The following ASIC2 variants were observed in gnomAD, a reference collection of about 807,000 sequenced individuals.
ASIC2 encodes acid-sensing ion channel 2.
ASIC2 carries 25 observed loss-of-function variants against 57.3 expected under a neutral mutation model. The observed-to-expected ratio is 0.44, with a 90% CI of 0.32 to 0.61. The LOEUF (loss-of-function observed/expected upper bound fraction) is 0.61, where lower values mean the gene tolerates loss of function less well. ASIC2 is among the 20% of genes least tolerant of loss of function. The pLI, the probability that ASIC2 is intolerant of heterozygous loss-of-function variation, is 0.06. For synonymous variants in ASIC2, 319 were observed against 307.5 expected (o/e 1.04, Z -0.39); for missense variants, 641 against 738.1 (o/e 0.87, Z 1.52).
At chr17:33,839,605 C>T (rs1442349672) in intron 1 of ASIC2, among the ~76,000 whole-genome samples, 1 of 152,134 alleles carries the variant, frequency 6.6e-6, no homozygotes, top group Non-Finnish European at 1.5e-5. Flanking sequence ...AGTCTGTTTC[C>T]CATTTTAGCA....
chr17:33,639,000 C>T (rs1906465692), intron 1 of ASIC2, among the ~76,000 whole-genome samples: 1 of 151,844 alleles, frequency 6.6e-6, no homozygotes, highest in Non-Finnish European at 1.5e-5. Context: ...TGAATTTTTC[C>T]CTTTTCTGCC....
chr17:33,281,547 T>C (rs1475178014), intron 1 of ASIC2, among the ~76,000 whole-genome samples: 2 of 152,100 alleles, frequency 1.3e-5, no homozygotes. Context: ...GATTTTTAAG[T>C]TTTGAAACAG....
At position 33,105,212 on chromosome 17, in the gene ASIC2, C is replaced by T. The variant is rs1046306819; in HGVS notation, c.859+6705G>A. Among the ~76,000 whole-genome samples, 4 of 152,280 alleles carry T rather than the reference C, an allele frequency of 2.6e-5. No individual in the cohort carries two copies. In the South Asian group the frequency reaches 8.3e-4, roughly 32 times the overall value. On this transcript the variant is annotated intron_variant, in intron 2 of 9. Transcript: ENST00000225823. ...CATATTGAACTGTAGCTCCCATAAT[C>T]CCCACGTGTCAAGGAAGAGACCCAG...
chr17:34,009,160 G>A (rs1291937948), intron 1 of ASIC2, among the ~76,000 whole-genome samples: 3 of 151,570 alleles, frequency 2.0e-5, no homozygotes, highest in African/African-American at 4.9e-5. Context: ...AGTCCTATTC[G>A]ACTTGGAGAG....
chr17:33,878,906 C>G (rs1233928663), intron 1 of ASIC2, among the ~76,000 whole-genome samples: 1 of 152,174 alleles, frequency 6.6e-6, no homozygotes, highest in Non-Finnish European at 1.5e-5. Flanking sequence ...AACAGCTGAT[C>G]TCTTGGCAGA....
intron 1 of ASIC2, among the ~76,000 whole-genome samples, chr17:33,905,618 C>G (rs1597924377): frequency 6.6e-6 from 1 of 152,052 alleles, no homozygotes; most frequent in East Asian, 1.9e-4. Flanking sequence ...GGGGTTTGAA[C>G]CTGTAGATAG....
At chr17:34,035,582 G>A (rs9747995) in intron 1 of ASIC2, among the ~76,000 whole-genome samples, 52,814 of 151,606 alleles carry the variant, frequency 0.35, 11,372 homozygotes, top group African/African-American at 0.61. Flanking sequence ...AACTACCATC[G>A]GAGTGAACAG....
intron 1 of ASIC2, among the ~76,000 whole-genome samples, chr17:33,578,796 GTCT>G: frequency 2.7e-5 from 1 of 37,574 alleles, no homozygotes; most frequent in Admixed American, 2.3e-4. Flanking sequence ...CCTAAGATTA[GTCT>G]AGTCACAGTT....
chr17:33,700,814 G>A (rs1348907040), intron 1 of ASIC2, among the ~76,000 whole-genome samples: 16 of 152,162 alleles, frequency 1.1e-4, no homozygotes, highest in Admixed American at 1.0e-3. Flanking sequence ...GGAGAGATGG[G>A]AGGGTCCATG....
Position 33,661,852 on chromosome 17 carries a change from C to T in ASIC2, c.555+494126G>A, listed in dbSNP as rs117731780. ...AGGGCTCTGGCAGAAAACTGACTGG[C>T]GGCAGAAATAAAACCACCATAGAAC... On this transcript the variant is annotated intron_variant, in intron 1 of 9. Transcript: ENST00000359872. Among the ~76,000 whole-genome samples the T allele has an allele frequency of 6.6e-3, 999 of 152,190 alleles. 5 individuals are homozygous for T. The highest frequency in any genetic ancestry group is 9.6e-3 in the Non-Finnish European group (651 of 68,012).
chr17:33,439,179 G>A (rs908518687), intron 1 of ASIC2, among the ~76,000 whole-genome samples: 3 of 152,160 alleles, frequency 2.0e-5, no homozygotes, highest in African/African-American at 7.2e-5. Context: ...GTGGCACTGT[G>A]TCAGCCTTGT....
At chr17:33,103,439 G>T (rs550516152) in intron 2 of ASIC2, among the ~76,000 whole-genome samples, 3 of 152,318 alleles carry the variant, frequency 2.0e-5, no homozygotes, top group African/African-American at 7.2e-5. Context: ...ATCTTGTGCT[G>T]TTAGCCAATG....
chr17:33,067,792 T>A (rs1388063560), intron 3 of ASIC2, among the ~76,000 whole-genome samples: 1 of 152,160 alleles, frequency 6.6e-6, no homozygotes, highest in Non-Finnish European at 1.5e-5. Context: ...TCCTCATGGC[T>A]AATGAGAGGA....
intron 1 of ASIC2, among the ~76,000 whole-genome samples, chr17:33,880,502 T>A (rs1194181701): frequency 1.3e-5 from 2 of 151,894 alleles, no homozygotes; most frequent in Non-Finnish European, 2.9e-5. Flanking sequence ...AACTAGAAAA[T>A]CTAGAAGAAA....
At chr17:33,499,105 C>T (rs1322375317) in intron 1 of ASIC2, among the ~76,000 whole-genome samples, 2 of 152,182 alleles carry the variant, frequency 1.3e-5, no homozygotes, top group Admixed American at 1.3e-4. Context: ...TCCATGTCCC[C>T]TTCTTCCAGC....
chr17:33,998,871 G>A (rs1906243916), intron 1 of ASIC2, among the ~76,000 whole-genome samples: 1 of 152,072 alleles, frequency 6.6e-6, no homozygotes, highest in Non-Finnish European at 1.5e-5. Flanking sequence ...CTGTATGTTT[G>A]TTAGGTCCAT....
intron 1 of ASIC2, among the ~76,000 whole-genome samples, chr17:33,522,516 A>G (rs1914772669): frequency 6.6e-6 from 1 of 152,148 alleles, no homozygotes; most frequent in Admixed American, 6.5e-5. Context: ...TGAGCAACTC[A>G]CTAAACTTCT....
At chr17:33,231,459 C>G (rs1317449989) in intron 1 of ASIC2, among the ~76,000 whole-genome samples, 1 of 152,160 alleles carries the variant, frequency 6.6e-6, no homozygotes, top group Admixed American at 6.5e-5. Flanking sequence ...CCCCGTGAAG[C>G]ATGGGGTCTG....
At chr17:33,766,644 A>G (rs1221982744) in intron 1 of ASIC2, among the ~76,000 whole-genome samples, 1 of 152,104 alleles carries the variant, frequency 6.6e-6, no homozygotes, top group Non-Finnish European at 1.5e-5. Context: ...TATTATTATT[A>G]TTTACCTATT....
Sources: gnomAD v4.1 joint callset for allele counts (sites outside exome capture counted in the v4.1 genomes callset) on GRCh38, gnomAD v4.1.1 for gene constraint, MANE v1.5 for transcripts, NCBI Gene and HGNC (gene_info 2026-07-23, HGNC 2026-07-21) for gene names.